Variants in ITCH observed in about 807,000 individuals in gnomAD.
ITCH encodes the protein itchy E3 ubiquitin protein ligase.
ITCH carries 28 observed loss-of-function variants against 126.8 expected under a neutral mutation model. The observed-to-expected ratio is 0.22, with a 90% CI of 0.16 to 0.30. The LOEUF (loss-of-function observed/expected upper bound fraction) is 0.30. ITCH is among the 10% of genes least tolerant of loss of function. ITCH has a pLI of 1.00. For synonymous variants in ITCH, 342 were observed against 340.0 expected (o/e 1.01, Z -0.06); for missense variants, 631 against 1,032.4 (o/e 0.61, Z 5.33).
At chr20:34,375,529 T>G (rs1284104456) in intron 2 of ITCH, among the ~76,000 whole-genome samples, 2 of 151,558 alleles carry the variant, frequency 1.3e-5, no homozygotes, top group African/African-American at 4.8e-5. Flanking sequence ...AGGCCAGGAG[T>G]TTGAGACCAG....
chr20:34,464,240 A>C (rs1370031544), intron 14 of ITCH, among the ~76,000 whole-genome samples: 1 of 149,884 alleles, frequency 6.7e-6, no homozygotes, highest in Non-Finnish European at 1.5e-5. Flanking sequence ...CACCCACCTC[A>C]GTCTCCCAAA....
intron 2 of ITCH, among the ~76,000 whole-genome samples, chr20:34,382,864 C>T (rs1023185667): frequency 4.0e-5 from 6 of 151,642 alleles, no homozygotes; most frequent in Non-Finnish European, 7.4e-5. Flanking sequence ...CTGCCTTAGC[C>T]TCCTGAGTAG....
At chr20:34,467,534 A>G (rs2146401202) in intron 14 of ITCH, among the ~76,000 whole-genome samples, 2 of 151,964 alleles carry the variant, frequency 1.3e-5, no homozygotes, top group South Asian at 4.2e-4. Context: ...AAAAAAAAAA[A>G]AAAGAAAAAA....
chr20:34,415,429 G>A (rs1167446829), intron 6 of ITCH, among the ~76,000 whole-genome samples: 1 of 151,754 alleles, frequency 6.6e-6, no homozygotes, highest in Non-Finnish European at 1.5e-5. Flanking sequence ...TGTGTGGCAC[G>A]TGCCTGTAGT....
At chr20:34,496,746 T>G (rs1989909153) in intron 23 of ITCH, among the ~76,000 whole-genome samples, 1 of 141,728 alleles carries the variant, frequency 7.1e-6, no homozygotes, top group African/African-American at 2.7e-5. Context: ...GAGGTTGAGG[T>G]GAGCCGAGAT....
intron 20 of ITCH, among the ~76,000 whole-genome samples, chr20:34,482,725 GTC>G (rs1275270751): frequency 1.3e-5 from 2 of 152,174 alleles, no homozygotes; most frequent in Non-Finnish European, 1.5e-5. Context: ...CCATTCTGGG[GTC>G]TAGAGGACGG....
intron 20 of ITCH, among the ~76,000 whole-genome samples, chr20:34,486,655 A>G (rs1231901920): frequency 8.2e-6 from 1 of 121,296 alleles, no homozygotes; most frequent in African/African-American, 2.8e-5. Context: ...GTTTTTCACT[A>G]TTTTATTTAT....
chr20:34,463,231 C>T (rs571233364), intron 14 of ITCH, among the ~76,000 whole-genome samples: 164 of 152,224 alleles, frequency 1.1e-3, no homozygotes, highest in Non-Finnish European at 1.7e-3. Flanking sequence ...GGCATGGTGG[C>T]GCACACCTGT....
intron 2 of ITCH, among the ~76,000 whole-genome samples, chr20:34,393,380 C>A (rs1413661999): frequency 6.6e-6 from 1 of 152,004 alleles, no homozygotes; most frequent in African/African-American, 2.4e-5. Flanking sequence ...CATGGTGGCA[C>A]CCACTTATAG....
At chr20:34,464,911 A>T (rs774656367) in intron 14 of ITCH, among the ~76,000 whole-genome samples, 1 of 151,580 alleles carries the variant, frequency 6.6e-6, no homozygotes, top group Non-Finnish European at 1.5e-5. Context: ...GGGTTTCACC[A>T]TGTTGGTCAG....
At chr20:34,423,933 G>T (rs1398297982) in intron 6 of ITCH, among the ~76,000 whole-genome samples, 1 of 152,094 alleles carries the variant, frequency 6.6e-6, no homozygotes, top group Non-Finnish European at 1.5e-5. Context: ...AAAAGATCTG[G>T]ACTGAATCCT....
chr20:34,398,468 G>A (rs950943057), intron 3 of ITCH, among the ~76,000 whole-genome samples: 3 of 151,254 alleles, frequency 2.0e-5, no homozygotes, highest in African/African-American at 2.4e-5. Context: ...GCGTGATCTC[G>A]GCTCACCGCA....
chr20:34,374,996 C>T (rs1335655745), intron 2 of ITCH, among the ~76,000 whole-genome samples: 1 of 151,794 alleles, frequency 6.6e-6, no homozygotes, highest in African/African-American at 2.4e-5. Context: ...CCGCCTCGGC[C>T]TCCCAAAGTG....
At chr20:34,479,914 T>C in intron 18 of ITCH, 125 bp downstream of exon 18, 1 of 895,756 alleles carries the variant, frequency 1.1e-6, no homozygotes, top group Middle Eastern at 2.5e-4. Flanking sequence ...GTTTTTTATT[T>C]TTGAGACAGA....
intron 13 of ITCH, among the ~76,000 whole-genome samples, chr20:34,458,010 A>G (rs1986181053): frequency 6.6e-6 from 1 of 152,194 alleles, no homozygotes. Context: ...TATACTTATT[A>G]ACATATATAT....
intron 14 of ITCH, among the ~76,000 whole-genome samples, chr20:34,462,713 A>G (rs1410937052): frequency 1.3e-5 from 2 of 152,280 alleles, no homozygotes; most frequent in South Asian, 2.1e-4. Context: ...ACCACCATCC[A>G]TCTCCAGAAT....
At chr20:34,469,429 G>A (rs1407314253) in intron 14 of ITCH, among the ~76,000 whole-genome samples, 1 of 151,760 alleles carries the variant, frequency 6.6e-6, no homozygotes, top group Non-Finnish European at 1.5e-5. Context: ...GATGGGATTA[G>A]AGGCACCTGC....
chr20:34,458,903 G>A (rs1042251169), intron 13 of ITCH, among the ~76,000 whole-genome samples: 2 of 152,196 alleles, frequency 1.3e-5, no homozygotes, highest in African/African-American at 2.4e-5. Flanking sequence ...GGATATAAAC[G>A]TGCATTTGGA....
At chr20:34,417,057 C>T in intron 6 of ITCH, 1 of 573,462 alleles carries the variant, frequency 1.7e-6, no homozygotes, top group Non-Finnish European at 3.3e-6. Flanking sequence ...TTACAGGCAT[C>T]TGCCACCACA....
Sources: gnomAD v4.1 joint callset for allele counts (sites outside exome capture counted in the v4.1 genomes callset) on GRCh38, gnomAD v4.1.1 for gene constraint, MANE v1.5 for transcripts, NCBI Gene and HGNC (gene_info 2026-07-23, HGNC 2026-07-21) for gene names.